RNF11: variants seen among roughly 807,000 people sequenced by gnomAD.
RNF11 encodes ring finger protein 11.
Under a neutral mutation model 15.8 loss-of-function variants are expected in RNF11, and 4 were observed. The observed-to-expected ratio is 0.25, with a 90% CI of 0.12 to 0.58. The LOEUF (loss-of-function observed/expected upper bound fraction) is 0.58, where lower values mean the gene tolerates loss of function less well. Ranked by LOEUF, RNF11 falls within the 20% of genes least tolerant of loss-of-function variation. The probability of loss-of-function intolerance (pLI) is 0.91; values close to 1 mark genes in which losing one functional copy is unlikely to be tolerated. For synonymous variants in RNF11, 68 were observed against 72.3 expected, an observed-to-expected ratio of 0.94 and a Z score of 0.30; for missense variants, 139 against 194.4, an observed-to-expected ratio of 0.71 and a Z score of 1.70.
intron 1 of RNF11, among the ~76,000 whole-genome samples, chr1:51,260,477 A>G (rs533933466): frequency 1.1e-4 from 16 of 152,110 alleles, no homozygotes; most frequent in African/African-American, 3.1e-4. Context: ...TCCCTTTTCA[A>G]CTTCACTCCC....
rs761697532 is a variant in RNF11, at chr1:51,263,476, A to G, written c.124-6480A>G. ...TTGTGTGTGTGTGTGTGTTTACACAACTTGAAGGTTTGTGGCAGCTCTGCA... is the reference window on the plus strand; with the variant it reads ...TTGTGTGTGTGTGTGTGTTTACACAGCTTGAAGGTTTGTGGCAGCTCTGCA... On this transcript the variant is annotated intron_variant, in intron 1 of 2. Transcript: ENST00000242719. Among the ~76,000 whole-genome samples, 34 of 152,186 alleles carry G rather than the reference A, an allele frequency of 2.2e-4. 1 individual carries two copies. Among genetic ancestry groups the G allele is most frequent in the Non-Finnish European group, 1.5e-4 (10 of 68,026 alleles).
chr1:51,243,714 C>G (rs1263484603), intron 1 of RNF11, among the ~76,000 whole-genome samples: 1 of 152,236 alleles, frequency 6.6e-6, no homozygotes, highest in African/African-American at 2.4e-5. Flanking sequence ...GCTGGGATTA[C>G]AGGCGTGAGC....
intron 1 of RNF11, among the ~76,000 whole-genome samples, chr1:51,258,419 A>G (rs1421743343): frequency 1.3e-5 from 2 of 152,196 alleles, no homozygotes; most frequent in Admixed American, 6.5e-5. Flanking sequence ...GTTATATAAT[A>G]CACTAGATTT....
At chr1:51,268,858 C>T (rs1482311117) in intron 1 of RNF11, among the ~76,000 whole-genome samples, 1 of 152,152 alleles carries the variant, frequency 6.6e-6, no homozygotes, top group Non-Finnish European at 1.5e-5. Context: ...AGGACCAAAG[C>T]CAAGGACAGT....
chr1:51,254,222 C>G (rs1275185659), intron 1 of RNF11, among the ~76,000 whole-genome samples: 1 of 151,828 alleles, frequency 6.6e-6, no homozygotes, highest in South Asian at 2.1e-4. Flanking sequence ...TTTTTTAAAT[C>G]AAAGAATAAA....
intron 1 of RNF11, among the ~76,000 whole-genome samples, chr1:51,260,312 T>G (rs1393273602): frequency 6.6e-6 from 1 of 152,172 alleles, no homozygotes; most frequent in African/African-American, 2.4e-5. Context: ...TTGGTTAGAG[T>G]CCTTGGGATT....
chr1:51,250,980 C>G (rs1646874609), intron 1 of RNF11: 3 of 1,373,478 alleles, frequency 2.2e-6, no homozygotes, highest in Non-Finnish European at 3.0e-6. Context: ...CCAGTAGCCT[C>G]TGCGCACGGG....
intron 1 of RNF11, among the ~76,000 whole-genome samples, chr1:51,266,778 A>G (rs920966837): frequency 1.3e-5 from 2 of 152,232 alleles, no homozygotes; most frequent in African/African-American, 4.8e-5. Flanking sequence ...GCAATTTTTC[A>G]TAGCATATCT....
intron 2 of RNF11, 130 bp downstream of exon 2, chr1:51,270,255 A>G: frequency 1.5e-6 from 1 of 671,028 alleles, no homozygotes; most frequent in Non-Finnish European, 2.5e-6. Context: ...ATGCAAGAGA[A>G]TGTTTAATTT....
In RNF11 at chr1:51,259,786, G is replaced by A. The variant is rs1646922032; in HGVS notation, c.124-10170G>A. On this transcript the variant is annotated intron_variant, in intron 1 of 2. Transcript: ENST00000242719. ...GTGAGGAGTGTAGGTCAAAGTTTAA[G>A]TCAATCAGTAATTGAATATTTTCTG... 2.0e-5 allele frequency among the ~76,000 whole-genome samples: 3 copies of A among 152,292 alleles called. No homozygotes were observed. The South Asian group carries it at 6.2e-4, about 32-fold the overall frequency.
intron 1 of RNF11, among the ~76,000 whole-genome samples, chr1:51,246,231 C>T (rs1036806026): frequency 1.3e-5 from 2 of 152,066 alleles, no homozygotes; most frequent in Non-Finnish European, 2.9e-5. Context: ...CGCTGTTGCA[C>T]TCTAGCCTGG....
intron 1 of RNF11, among the ~76,000 whole-genome samples, chr1:51,257,854 T>TC (rs1553169151): frequency 9.4e-5 from 11 of 116,476 alleles, no homozygotes; most frequent in African/African-American, 1.5e-4. Context: ...TTTTCTTTTC[T>TC]TTTTTTTTTT....
chr1:51,259,870 A>G (rs545480974), intron 1 of RNF11, among the ~76,000 whole-genome samples: 1 of 152,352 alleles, frequency 6.6e-6, no homozygotes, highest in Admixed American at 6.5e-5. Flanking sequence ...GACGTTAGAA[A>G]GATTTCAGAA....
intron 1 of RNF11, among the ~76,000 whole-genome samples, chr1:51,253,928 A>G (rs984939512): frequency 6.6e-6 from 1 of 152,066 alleles, no homozygotes; most frequent in Non-Finnish European, 1.5e-5. Flanking sequence ...GAGCCTAGAA[A>G]TTGGAGACTA....
intron 1 of RNF11, among the ~76,000 whole-genome samples, chr1:51,241,827 G>A (rs149547925): frequency 0.015 from 2,343 of 152,278 alleles, 60 homozygotes; most frequent in African/African-American, 0.053. Context: ...CATGAGAGGG[G>A]GAGGCCAGGT....
intron 1 of RNF11, among the ~76,000 whole-genome samples, chr1:51,262,628 A>G (rs942277515): frequency 6.6e-6 from 1 of 151,684 alleles, no homozygotes. Context: ...GCTTATTGCA[A>G]TGCCACCTCC....
intron 1 of RNF11, among the ~76,000 whole-genome samples, chr1:51,241,027 G>C (rs1646826835): frequency 6.6e-6 from 1 of 152,210 alleles, no homozygotes; most frequent in African/African-American, 2.4e-5. Context: ...ATGTTGACCA[G>C]GCTGGTCTCA....
chr1:51,271,357 C>T lies in RNF11; in HGVS notation c.*35C>T, dbSNP rs1407466727. The T allele has an allele frequency of 5.8e-6, 9 of 1,557,860 alleles. No homozygotes were observed. The East Asian group carries it at 1.1e-4, about 20-fold the overall frequency. Reference sequence around the variant, plus strand: ...TCTTATCTGACTTCAAGTGAACCACCATTTTGGTGGTTTTGATCTTTTGTC... The same window carrying T: ...TCTTATCTGACTTCAAGTGAACCACTATTTTGGTGGTTTTGATCTTTTGTC... On this transcript the variant is annotated 3_prime_UTR_variant, in exon 3 of 3. Coordinates refer to ENST00000242719, the MANE Select transcript of RNF11 (RefSeq NM_014372.5).
intron 1 of RNF11, among the ~76,000 whole-genome samples, chr1:51,256,621 T>C (rs2148070723): frequency 6.6e-6 from 1 of 152,296 alleles, no homozygotes. Flanking sequence ...TATGTTTAGT[T>C]GTGTGAGAAT....
Sources: allele counts gnomAD v4.1 joint callset (sites outside exome capture counted in the v4.1 genomes callset), GRCh38; gene constraint gnomAD v4.1.1; transcripts MANE v1.5; gene names NCBI Gene and HGNC (gene_info 2026-07-23, HGNC 2026-07-21).